The following PRKAR2B variants were observed in gnomAD, a reference collection of about 807,000 sequenced individuals.
PRKAR2B encodes cAMP-dependent protein kinase type II-beta regulatory subunit.
Under a neutral mutation model 49.9 loss-of-function variants are expected in PRKAR2B, and 14 were observed. That is an observed-to-expected ratio of 0.28 (90% CI 0.19 to 0.44). PRKAR2B has a LOEUF of 0.44. Among genes scored for constraint, PRKAR2B ranks in the 20% least tolerant of loss-of-function variants. PRKAR2B has a pLI of 1.00. For missense variants in PRKAR2B, 393 were observed against 537.9 expected (o/e 0.73, Z 2.67); for synonymous variants, 196 against 197.7 (o/e 0.99, Z 0.07).
At chr7:107,066,207 T>C (rs1442403846) in intron 1 of PRKAR2B, among the ~76,000 whole-genome samples, 1 of 152,180 alleles carries the variant, frequency 6.6e-6, no homozygotes. Flanking sequence ...AGGATTTTAC[T>C]CTGTTCTTAA....
chr7:107,155,638 A>ATT (rs138997343), intron 8 of PRKAR2B, among the ~76,000 whole-genome samples: 22 of 146,026 alleles, frequency 1.5e-4, no homozygotes, highest in African/African-American at 5.6e-4. Flanking sequence ...TCTTTTTTTC[A>ATT]TTTTTTTTTT....
intron 4 of PRKAR2B, among the ~76,000 whole-genome samples, chr7:107,136,003 G>A (rs2115624842): frequency 6.6e-6 from 1 of 152,262 alleles, no homozygotes; most frequent in South Asian, 2.1e-4. Flanking sequence ...CAGTGGAACA[G>A]AACAGAGAAC....
rs111555098 is a variant in PRKAR2B, at chr7:107,091,116, A to G, written c.343+20800A>G. On this transcript the variant is annotated intron_variant, in intron 2 of 10. Transcript: ENST00000265717. ...CAAAATTATTGCATTTTAAGATCAG[A>G]TTGGATGTTATTTCCAGAACTGTAA... Among the ~76,000 whole-genome samples, 59 of 152,284 alleles carry G rather than the reference A, an allele frequency of 3.9e-4. 4 individuals are homozygous for G. Among genetic ancestry groups the G allele is most frequent in the African/African-American group, 1.2e-3 (49 of 41,558 alleles).
chr7:107,144,481 G>A (rs1410401892), intron 5 of PRKAR2B, among the ~76,000 whole-genome samples: 2 of 152,024 alleles, frequency 1.3e-5, no homozygotes, highest in African/African-American at 4.8e-5. Flanking sequence ...GAGGGGCAGG[G>A]AGAGTGTCTC....
At chr7:107,122,641 A>G (rs1008808592) in intron 3 of PRKAR2B, among the ~76,000 whole-genome samples, 9 of 152,042 alleles carry the variant, frequency 5.9e-5, no homozygotes, top group African/African-American at 1.2e-4. Context: ...TTTTGAGTAC[A>G]TGTGTTGCAA....
intron 2 of PRKAR2B, among the ~76,000 whole-genome samples, chr7:107,091,132 A>G (rs1224573427): frequency 6.6e-6 from 1 of 152,240 alleles, no homozygotes; most frequent in African/African-American, 2.4e-5. Context: ...TGTTATTTCC[A>G]GAACTGTAAG....
At chr7:107,140,699 A>C in intron 4 of PRKAR2B, 148 bp from the exon 5 acceptor site, 1 of 510,266 alleles carries the variant, frequency 2.0e-6, no homozygotes, top group Non-Finnish European at 3.5e-6. Context: ...GGTAAGAAAG[A>C]CTACTATGTA....
intron 4 of PRKAR2B, among the ~76,000 whole-genome samples, chr7:107,130,027 C>T (rs541318465): frequency 6.6e-6 from 1 of 151,540 alleles, no homozygotes; most frequent in African/African-American, 2.4e-5. Flanking sequence ...GGGAATGCAG[C>T]CCAGTAGGTT....
intron 5 of PRKAR2B, among the ~76,000 whole-genome samples, chr7:107,145,913 G>A (rs886829384): frequency 6.6e-6 from 1 of 151,064 alleles, no homozygotes; most frequent in Non-Finnish European, 1.5e-5. Flanking sequence ...CTAATATTTT[G>A]TATTTTTAAT....
chr7:107,107,249 A>G (rs964216557), intron 2 of PRKAR2B, among the ~76,000 whole-genome samples: 1 of 152,040 alleles, frequency 6.6e-6, no homozygotes, highest in African/African-American at 2.4e-5. Flanking sequence ...AGGCAGGAGA[A>G]TCACTTGAAC....
intron 2 of PRKAR2B, among the ~76,000 whole-genome samples, chr7:107,100,720 C>G (rs1187211885): frequency 6.6e-6 from 1 of 151,810 alleles, no homozygotes; most frequent in Non-Finnish European, 1.5e-5. Context: ...TTCCCTTAAT[C>G]TGTCATCAGG....
At chr7:107,072,211 A>G (rs1272467583) in intron 2 of PRKAR2B, among the ~76,000 whole-genome samples, 1 of 152,020 alleles carries the variant, frequency 6.6e-6, no homozygotes, top group African/African-American at 2.4e-5. Flanking sequence ...AAGAAATGTC[A>G]GTGAAAACAA....
chr7:107,082,366 A>T (rs1201653871), intron 2 of PRKAR2B, among the ~76,000 whole-genome samples: 2 of 152,110 alleles, frequency 1.3e-5, no homozygotes, highest in Non-Finnish European at 2.9e-5. Flanking sequence ...CCTTAGAAAC[A>T]TTTGTTTTAA....
chr7:107,123,906 A>T (rs1795434669), intron 3 of PRKAR2B, among the ~76,000 whole-genome samples: 3 of 152,206 alleles, frequency 2.0e-5, no homozygotes, highest in African/African-American at 7.2e-5. Context: ...TAAATGTGTT[A>T]CTAAAAACTA....
At chr7:107,089,314 C>T (rs1198673205) in intron 2 of PRKAR2B, among the ~76,000 whole-genome samples, 5 of 152,170 alleles carry the variant, frequency 3.3e-5, no homozygotes, top group Admixed American at 2.6e-4. Context: ...CTGAATTCTG[C>T]GCTCTTTCCT....
intron 1 of PRKAR2B, among the ~76,000 whole-genome samples, chr7:107,046,955 G>A (rs1793710728): frequency 6.6e-6 from 1 of 151,884 alleles, no homozygotes; most frequent in Non-Finnish European, 1.5e-5. Flanking sequence ...AATATATTGC[G>A]CACAGAAAAG....
rs1361395618 is a variant in PRKAR2B, at chr7:107,121,947, T to C, written c.344-5T>C. On this transcript the variant is annotated splice_polypyrimidine_tract_variant and splice_region_variant and intron_variant, in intron 2 of 10. Coordinates refer to ENST00000265717, the MANE Select transcript of PRKAR2B (RefSeq NM_002736.3). ...TCTTTAAGATGTTCATTTTTGTTTT[T>C]ATAGTATGTGCAGAAGCTTATAATC... 1.3e-5 allele frequency: 21 copies of C among 1,574,748 alleles called. No homozygotes were observed. Among genetic ancestry groups the C allele is most frequent in the African/African-American group, 2.7e-5 (2 of 73,642 alleles).
intron 2 of PRKAR2B, among the ~76,000 whole-genome samples, chr7:107,119,663 T>C (rs1411961014): frequency 6.6e-6 from 1 of 152,204 alleles, no homozygotes; most frequent in Non-Finnish European, 1.5e-5. Flanking sequence ...CCTGAAACAT[T>C]CAATTTATTT....
intron 2 of PRKAR2B, among the ~76,000 whole-genome samples, chr7:107,096,937 G>A (rs973218007): frequency 2.6e-5 from 4 of 152,138 alleles, no homozygotes; most frequent in Admixed American, 1.3e-4. Flanking sequence ...CAACTATATG[G>A]TCAGTTTTGC....
Sources: gnomAD v4.1 joint callset for allele counts (sites outside exome capture counted in the v4.1 genomes callset) on GRCh38, gnomAD v4.1.1 for gene constraint, MANE v1.5 for transcripts, NCBI Gene and HGNC (gene_info 2026-07-23, HGNC 2026-07-21) for gene names.